Variants in HOXB3 observed in about 807,000 individuals in gnomAD.
HOXB3 encodes the protein homeobox protein Hox-B3.
HOXB3 carries 17 observed loss-of-function variants against 29.2 expected under a neutral mutation model. The observed-to-expected ratio is 0.58, with a 90% CI of 0.40 to 0.87. HOXB3 has a LOEUF of 0.87. Ranked by LOEUF, HOXB3 falls within the 40% of genes least tolerant of loss-of-function variation. The probability of loss-of-function intolerance (pLI) is 0.00; values close to 1 mark genes in which losing one functional copy is unlikely to be tolerated. For missense variants in HOXB3, 637 were observed against 616.3 expected (o/e 1.03, Z -0.35); for synonymous variants, 317 against 285.9 (o/e 1.11, Z -1.10).
chr17:48,587,506 G>T (rs551383851), intron 1 of HOXB3, among the ~76,000 whole-genome samples: 1 of 152,316 alleles, frequency 6.6e-6, no homozygotes, highest in East Asian at 1.9e-4. Context: ...AGTTTGGGGG[G>T]GTTGTGCTGA....
intron 3 of HOXB3, chr17:48,553,022 C>G (rs2068826388): frequency 6.6e-6 from 1 of 152,602 alleles, no homozygotes; most frequent in Non-Finnish European, 1.5e-5. Context: ...CCTCTGAGCC[C>G]AGAGGCTTCT....
Position 48,555,592 on chromosome 17 carries a change from C to A in HOXB3, c.-220G>T. 1 of 702,718 alleles carries A rather than the reference C, an allele frequency of 1.4e-6. No homozygotes were observed. Among genetic ancestry groups the A allele is most frequent in the Admixed American group, 2.0e-5 (1 of 50,016 alleles). 43.5% of individuals were successfully genotyped at this position (702,718 alleles called of 1,614,324 possible). On this transcript the variant is annotated 5_prime_UTR_variant, in exon 3 of 5. Coordinates refer to ENST00000498678, the MANE Select transcript of HOXB3 (RefSeq NM_001384749.1). Reference sequence around the variant, plus strand: ...TATATATTCACATCGAGCCCCAGAGCGAGCGGCAGGCGACAAATCTCCCCT... The same window carrying A: ...TATATATTCACATCGAGCCCCAGAGAGAGCGGCAGGCGACAAATCTCCCCT...
chr17:48,573,800 G>C (rs182008932), intron 2 of HOXB3, 37 bp downstream of exon 2: 2 of 694,306 alleles, frequency 2.9e-6, no homozygotes, highest in South Asian at 1.5e-5. Flanking sequence ...CTCATAAAAC[G>C]ATCAAAACAC....
At chr17:48,563,004 A>G (rs1010010213) in intron 2 of HOXB3, among the ~76,000 whole-genome samples, 14 of 152,204 alleles carry the variant, frequency 9.2e-5, no homozygotes, top group African/African-American at 3.1e-4. Flanking sequence ...ATGGTGGGAC[A>G]CAAGGCTGCC....
intron 1 of HOXB3, chr17:48,579,799 C>A: frequency 2.4e-6 from 1 of 410,244 alleles, no homozygotes; most frequent in Non-Finnish European, 4.9e-6. Context: ...AAAAATACTA[C>A]ATATACATAT....
intron 2 of HOXB3, among the ~76,000 whole-genome samples, chr17:48,569,947 G>T (rs904475055): frequency 6.6e-6 from 1 of 152,140 alleles, no homozygotes; most frequent in Non-Finnish European, 1.5e-5. Context: ...CAAAGACTGG[G>T]ACTAAGGTTT....
intron 2 of HOXB3, among the ~76,000 whole-genome samples, chr17:48,568,637 GCACACACACGCGCGGACA>G (rs1567957700): frequency 1.3e-5 from 2 of 151,082 alleles, no homozygotes; most frequent in African/African-American, 2.5e-5. Flanking sequence ...AGACGCGCAC[GCACACACACGCGCGGACA>G]CACACACACA....
chr17:48,555,341 A>AGAGAGG (rs2068928667), intron 3 of HOXB3, 190 bp downstream of exon 3: 15 of 438,176 alleles, frequency 3.4e-5, no homozygotes, highest in South Asian at 1.1e-4. Flanking sequence ...AGAGGGAGAG[A>AGAGAGG]GAGAGAGAGA....
Position 48,550,282 on chromosome 17 carries a change from C to A in HOXB3, c.*52G>T. 6.2e-7 allele frequency: 1 copy of A among 1,609,946 alleles called. No homozygotes were observed. The highest frequency in any genetic ancestry group is 8.5e-7 in the Non-Finnish European group (1 of 1,178,890). ...GACCTCCAGGTTGCCCCCCAGAGCT[C>A]CACAGTCTCTCTCTTCCTCCCCATC... On this transcript the variant is annotated 3_prime_UTR_variant, in exon 5 of 5. Coordinates refer to ENST00000498678, the MANE Select transcript of HOXB3 (RefSeq NM_001384749.1).
chr17:48,578,419 A>T, intron 1 of HOXB3: 2 of 1,441,904 alleles, frequency 1.4e-6, no homozygotes, highest in Non-Finnish European at 1.8e-6. Context: ...TCAAGTGAAC[A>T]AAGTTAGGCG....
chr17:48,564,461 T>C (rs1194946875), intron 2 of HOXB3, among the ~76,000 whole-genome samples: 3 of 147,318 alleles, frequency 2.0e-5, no homozygotes, highest in Non-Finnish European at 4.5e-5. Flanking sequence ...TTGTTCGGCC[T>C]CCAGGGCCCC....
intron 1 of HOXB3, among the ~76,000 whole-genome samples, chr17:48,583,144 T>G (rs912104312): frequency 6.6e-6 from 1 of 152,210 alleles, no homozygotes; most frequent in Non-Finnish European, 1.5e-5. Context: ...ACTCCACCTC[T>G]TGGGGCCAAG....
rs752099638 is a variant in HOXB3, at chr17:48,576,819, TC to T, written c.-424-2806del. On this transcript the variant is annotated intron_variant, in intron 1 of 4. Transcript: ENST00000498678. ...GATCTTGGTGTTGGGCAACTTGTGG[TC>T]TTTTTTCCACTTCATGCGCCGGTTC... 1.9e-6 allele frequency: 3 copies of T among 1,614,102 alleles called. No individual in the cohort carries two copies. In the African/African-American group the frequency reaches 4.0e-5, roughly 22 times the overall value.
At chr17:48,569,003 C>T (rs1373181016) in intron 2 of HOXB3, among the ~76,000 whole-genome samples, 1 of 151,840 alleles carries the variant, frequency 6.6e-6, no homozygotes, top group Non-Finnish European at 1.5e-5. Context: ...GCTCCGGCTG[C>T]GGGGCTGTTT....
At chr17:48,574,120 ATGGC>A in intron 1 of HOXB3, 106 bp from the exon 2 acceptor site, 2 of 504,450 alleles carry the variant, frequency 4.0e-6, no homozygotes, top group African/African-American at 2.0e-5. Context: ...TCTACACAGA[ATGGC>A]TGTGAACTTT....
chr17:48,579,303 G>A (rs1007084316), intron 1 of HOXB3: 5 of 152,266 alleles, frequency 3.3e-5, no homozygotes, highest in African/African-American at 1.2e-4. Flanking sequence ...CCATGGGTCC[G>A]AGACGTTCTA....
At chr17:48,580,796 C>T (rs2069917979) in intron 1 of HOXB3, 1 of 152,136 alleles carries the variant, frequency 6.6e-6, no homozygotes, top group Non-Finnish European at 1.5e-5. Flanking sequence ...TCCTTCTAAA[C>T]ACATATGAAC....
intron 1 of HOXB3, chr17:48,577,910 T>C (rs754555274): frequency 1.5e-6 from 2 of 1,376,854 alleles, no homozygotes; most frequent in South Asian, 2.1e-5. Flanking sequence ...GACGGGCTCT[T>C]TGCACGCGGA....
intron 2 of HOXB3, among the ~76,000 whole-genome samples, chr17:48,567,314 G>C (rs191298188): frequency 6.6e-6 from 1 of 152,234 alleles, no homozygotes; most frequent in Non-Finnish European, 1.5e-5. Context: ...ACACCTGGGC[G>C]CGGCGTTGCT....
Sources: allele counts gnomAD v4.1 joint callset (sites outside exome capture counted in the v4.1 genomes callset), GRCh38; gene constraint gnomAD v4.1.1; transcripts MANE v1.5; gene names NCBI Gene and HGNC (gene_info 2026-07-23, HGNC 2026-07-21).